Variants in NRXN1 observed in about 807,000 individuals in gnomAD.
The protein encoded by NRXN1 is neurexin 1, also known as neurexin-1.
A neutral mutation model predicts 150.9 loss-of-function variants in NRXN1; 39 were observed. That is an observed-to-expected ratio of 0.26 (90% confidence interval 0.20 to 0.34). NRXN1 has a LOEUF of 0.34. Ranked by LOEUF, NRXN1 falls within the 10% of genes least tolerant of loss-of-function variation. NRXN1 has a pLI of 1.00. For missense variants in NRXN1, 1,815 were observed against 1,949.9 expected, an observed-to-expected ratio of 0.93 and a Z score of 1.30; for synonymous variants, 924 against 757.0, an observed-to-expected ratio of 1.22 and a Z score of -3.62.
intron 18 of NRXN1, among the ~76,000 whole-genome samples, chr2:50,151,065 T>G (rs1486014490): frequency 2.0e-5 from 3 of 151,756 alleles, no homozygotes; most frequent in Non-Finnish European, 4.4e-5. Flanking sequence ...AACTAAGTTT[T>G]TCACCTCAAG....
intron 12 of NRXN1, among the ~76,000 whole-genome samples, chr2:50,524,702 G>A (rs2092897821): frequency 6.6e-6 from 1 of 151,824 alleles, no homozygotes; most frequent in Non-Finnish European, 1.5e-5. Context: ...ATGACAATTA[G>A]GACTTACCTA....
intron 22 of NRXN1, among the ~76,000 whole-genome samples, chr2:49,931,489 A>G (rs1670107789): frequency 6.6e-6 from 1 of 152,088 alleles, no homozygotes; most frequent in Non-Finnish European, 1.5e-5. Context: ...CACCCACAGT[A>G]CTGCAAATAG....
intron 18 of NRXN1, among the ~76,000 whole-genome samples, chr2:50,130,944 G>A (rs1287633570): frequency 1.3e-5 from 2 of 152,014 alleles, no homozygotes; most frequent in Admixed American, 1.3e-4. Flanking sequence ...ATACAATTTT[G>A]ACCAAAAATA....
chr2:50,178,109 G>A (rs1185028977), intron 18 of NRXN1, among the ~76,000 whole-genome samples: 1 of 151,914 alleles, frequency 6.6e-6, no homozygotes, highest in Non-Finnish European at 1.5e-5. Flanking sequence ...TTCAGATTAG[G>A]GTAGTAGGAG....
rs535546166 is a variant in NRXN1 at position 50,236,713 on chromosome 2, G to A, written c.3546+76C>T. On this transcript the variant is annotated intron_variant, in intron 18 of 22. Coordinates refer to ENST00000401669, the MANE Select transcript of NRXN1 (RefSeq NM_001330078.2). The stretch of plus-strand genomic sequence containing the variant: ...GTTTCTGGGGGAAGGAAGCATCCAA[G>A]AAGCAAAATTATAAATTCTTTACAA... 9.5e-5 allele frequency: 135 copies of A among 1,416,028 alleles called. 2 individuals are homozygous for A. In the South Asian group the frequency reaches 1.6e-3, roughly 17 times the overall value. The allele number at this position is 1,416,028 out of a possible 1,614,324, so 87.7% of individuals were successfully genotyped here.
chr2:50,069,347 A>C (rs929414491), intron 19 of NRXN1, among the ~76,000 whole-genome samples: 3 of 152,016 alleles, frequency 2.0e-5, no homozygotes, highest in African/African-American at 7.3e-5. Context: ...TTCTAAGCTG[A>C]CCCTCAATGC....
At chr2:49,935,005 A>G (rs1035902508) in intron 22 of NRXN1, among the ~76,000 whole-genome samples, 1 of 152,228 alleles carries the variant, frequency 6.6e-6, no homozygotes, top group Non-Finnish European at 1.5e-5. Flanking sequence ...AGTATCCATC[A>G]TTAACATTTC....
At chr2:50,350,900 A>AT (rs1278387500) in intron 17 of NRXN1, among the ~76,000 whole-genome samples, 1 of 152,170 alleles carries the variant, frequency 6.6e-6, no homozygotes, top group African/African-American at 2.4e-5. Context: ...TTCCAGGCAG[A>AT]TGTCTAGGGC....
intron 5 of NRXN1, among the ~76,000 whole-genome samples, chr2:50,639,661 T>C (rs1251281089): frequency 6.6e-6 from 1 of 152,164 alleles, no homozygotes; most frequent in African/African-American, 2.4e-5. Flanking sequence ...ATCCCTATCC[T>C]AGATACCTAA....
chr2:50,655,015 A>G (rs1518551), intron 5 of NRXN1, among the ~76,000 whole-genome samples: 45,367 of 151,810 alleles, frequency 0.3, 8,301 homozygotes, highest in Non-Finnish European at 0.41. Flanking sequence ...TTAATTTGCA[A>G]CCTGGAGAAA....
chr2:50,419,428 A>G (rs889617104), intron 17 of NRXN1, among the ~76,000 whole-genome samples: 17 of 152,096 alleles, frequency 1.1e-4, no homozygotes, highest in Admixed American at 1.0e-3. Context: ...GATTCATTCT[A>G]GCCCAATATT....
At chr2:50,495,093 G>C (rs1048808147) in intron 15 of NRXN1, among the ~76,000 whole-genome samples, 3 of 151,074 alleles carry the variant, frequency 2.0e-5, no homozygotes, top group Non-Finnish European at 2.9e-5. Context: ...CCCCTCCTCC[G>C]ATTTTCTACA....
intron 8 of NRXN1, among the ~76,000 whole-genome samples, chr2:50,575,344 T>G (rs887363641): frequency 6.6e-6 from 1 of 152,194 alleles, no homozygotes; most frequent in African/African-American, 2.4e-5. Flanking sequence ...GCATAAGCCC[T>G]GGTGCTGGGC....
intron 19 of NRXN1, among the ~76,000 whole-genome samples, chr2:50,057,977 A>G (rs1051363079): frequency 2.6e-5 from 4 of 152,028 alleles, no homozygotes; most frequent in Non-Finnish European, 4.4e-5. Context: ...AAGGTTGGGG[A>G]AAAAAAGGTC....
chr2:50,922,462 C>A, intron 4 of NRXN1, 196 bp downstream of exon 4: 1 of 660,496 alleles, frequency 1.5e-6, no homozygotes, highest in Non-Finnish European at 2.7e-6. Flanking sequence ...AAAATAAAAG[C>A]CACAGGAACA....
At position 50,347,911 on chromosome 2, in the gene NRXN1, C is replaced by G; in HGVS notation, c.3365-110941G>C. On this transcript the variant is annotated intron_variant, in intron 17 of 22. Coordinates refer to ENST00000401669, the MANE Select transcript of NRXN1 (RefSeq NM_001330078.2). The surrounding 1 kb of genome is among the most constrained non-coding windows in gnomAD (Gnocchi z 4.9). ...TTCCCACGAAAATCGCCCTGCTTTG[C>G]CTCTCCCTTGCATTCTCCACGCATC... 1.1e-6 allele frequency: 1 copy of G among 900,596 alleles called. No individual in the cohort carries two copies. The highest frequency in any genetic ancestry group is 1.3e-6 in the Non-Finnish European group (1 of 752,676). 55.8% of individuals were successfully genotyped at this position (900,596 alleles called of 1,614,324 possible). A position where few individuals can be genotyped will look rare whatever the true frequency, so the allele number is the denominator to read the frequency against.
chr2:50,605,189 T>G (rs1676891022), intron 8 of NRXN1, among the ~76,000 whole-genome samples: 1 of 152,248 alleles, frequency 6.6e-6, no homozygotes, highest in Admixed American at 6.5e-5. Flanking sequence ...CTATGCTTAT[T>G]TAGCATCTAG....
chr2:50,634,038 G>A (rs1271307866), intron 5 of NRXN1, among the ~76,000 whole-genome samples: 1 of 152,168 alleles, frequency 6.6e-6, no homozygotes, highest in Non-Finnish European at 1.5e-5. Flanking sequence ...TGAGCATTGA[G>A]CACAGTGACA....
At chr2:50,601,093 T>C (rs1676198072) in intron 8 of NRXN1, among the ~76,000 whole-genome samples, 1 of 152,178 alleles carries the variant, frequency 6.6e-6, no homozygotes, top group African/African-American at 2.4e-5. Flanking sequence ...AATAATAATT[T>C]GGAAGAAGTC....
Sources: gnomAD v4.1 joint callset for allele counts (sites outside exome capture counted in the v4.1 genomes callset) on GRCh38, gnomAD v4.1.1 for gene constraint, Gnocchi (gnomAD v3.1) non-coding constraint, MANE v1.5 for transcripts, NCBI Gene and HGNC (gene_info 2026-07-23, HGNC 2026-07-21) for gene names.